Variants in GRIK1 observed in about 807,000 individuals in gnomAD.
GRIK1 encodes the protein glutamate receptor ionotropic, kainate 1.
Under a neutral mutation model 105.7 loss-of-function variants are expected in GRIK1, and 69 were observed. The ratio of observed to expected loss-of-function variants is 0.65; its 90% CI spans 0.54 to 0.80. GRIK1 has a LOEUF of 0.80. GRIK1 is among the 30% of genes least tolerant of loss of function. The pLI is 0.00. For synonymous variants in GRIK1, 438 were observed against 431.3 expected, an observed-to-expected ratio of 1.02 and a Z score of -0.19; for missense variants, 1,109 against 1,167.3, an observed-to-expected ratio of 0.95 and a Z score of 0.73.
At chr21:29,746,347 C>T (rs1372823062) in intron 1 of GRIK1, among the ~76,000 whole-genome samples, 1 of 152,174 alleles carries the variant, frequency 6.6e-6, no homozygotes, top group South Asian at 2.1e-4. Flanking sequence ...GCCCTTGAAA[C>T]ACAAAGCTGG....
At chr21:29,599,229 A>T (rs772626121) in intron 7 of GRIK1, among the ~76,000 whole-genome samples, 3 of 152,216 alleles carry the variant, frequency 2.0e-5, no homozygotes, top group Non-Finnish European at 4.4e-5. Flanking sequence ...CACGGAATAC[A>T]CAAAATCTGA....
chr21:29,537,443 A>G (rs1032624803), intron 17 of GRIK1, 58 bp from the exon 18 acceptor site: 3 of 1,375,322 alleles, frequency 2.2e-6, no homozygotes, highest in African/African-American at 2.9e-5. Flanking sequence ...TGTGCCGTTG[A>G]CCTGCCTCTT....
chr21:29,888,184 C>CTTTCTTCCTTT (rs1301166060), intron 1 of GRIK1, among the ~76,000 whole-genome samples: 1 of 64,802 alleles, frequency 1.5e-5, no homozygotes, highest in African/African-American at 9.8e-5. Context: ...TTTCTTTCTT[C>CTTTCTTCCTTT]CTTTCTTTCT....
intron 1 of GRIK1, among the ~76,000 whole-genome samples, chr21:29,891,448 G>T (rs1018364864): frequency 6.6e-6 from 1 of 152,198 alleles, no homozygotes; most frequent in African/African-American, 2.4e-5. Flanking sequence ...ATGATAGCCT[G>T]TGTGGCGTGC....
intron 14 of GRIK1, among the ~76,000 whole-genome samples, chr21:29,568,897 G>GCTGAATTAAA (rs528170712): frequency 2.0e-5 from 3 of 152,202 alleles, no homozygotes; most frequent in Non-Finnish European, 4.4e-5. Context: ...TATCAATTGA[G>GCTGAATTAAA]CTGAATTAAA....
At chr21:29,665,790 G>A (rs1365929510) in intron 4 of GRIK1, among the ~76,000 whole-genome samples, 3 of 152,172 alleles carry the variant, frequency 2.0e-5, no homozygotes, top group East Asian at 3.8e-4. Context: ...AGCAACATGG[G>A]TGATGTGAAC....
intron 3 of GRIK1, among the ~76,000 whole-genome samples, chr21:29,688,375 G>A (rs1009330856): frequency 6.6e-6 from 1 of 152,164 alleles, no homozygotes; most frequent in Admixed American, 6.5e-5. Flanking sequence ...AATAGTAACT[G>A]CTAGTGCTTG....
intron 1 of GRIK1, among the ~76,000 whole-genome samples, chr21:29,915,718 G>T (rs1411622710): frequency 6.6e-6 from 1 of 151,952 alleles, no homozygotes; most frequent in Non-Finnish European, 1.5e-5. Context: ...TTCCACAGAA[G>T]CTTATAAGCA....
At chr21:29,581,745 T>A (rs1377942057) in intron 12 of GRIK1, among the ~76,000 whole-genome samples, 2 of 152,172 alleles carry the variant, frequency 1.3e-5, no homozygotes. Context: ...TTTACCAGAC[T>A]TCTTATTTAT....
At chr21:29,759,647 A>G (rs1467995425) in intron 1 of GRIK1, among the ~76,000 whole-genome samples, 5 of 152,254 alleles carry the variant, frequency 3.3e-5, no homozygotes, top group African/African-American at 9.6e-5. Context: ...AACAGAAGTC[A>G]GAAACCAGAA....
chr21:29,588,596 C>G (rs1214615961), intron 11 of GRIK1, among the ~76,000 whole-genome samples: 2 of 152,144 alleles, frequency 1.3e-5, no homozygotes, highest in Non-Finnish European at 2.9e-5. Context: ...ATAAATTTCC[C>G]AGTCTCAGGA....
intron 1 of GRIK1, chr21:29,758,746 A>G (rs952883801): frequency 6.5e-6 from 1 of 152,684 alleles, no homozygotes; most frequent in African/African-American, 2.4e-5. Context: ...AAATTATGAA[A>G]GGATAATCTC....
In GRIK1 at chr21:29,591,875, C is replaced by T. The variant is rs1296827404; in HGVS notation, c.1252-650G>A. 2.0e-5 allele frequency among the ~76,000 whole-genome samples: 3 copies of T among 151,750 alleles called. No individual in the cohort carries two copies. The East Asian group carries it at 5.8e-4, about 29-fold the overall frequency. ...GCCAGCCTGGGCAACAGAGTGAGAC[C>T]CGATCTATACAAAAAATTAAAAAAA... On this transcript the variant is annotated intron_variant, in intron 9 of 17. Transcript: ENST00000327783.
intron 16 of GRIK1, among the ~76,000 whole-genome samples, chr21:29,539,740 G>A (rs2089938835): frequency 6.6e-6 from 1 of 152,048 alleles, no homozygotes; most frequent in African/African-American, 2.4e-5. Context: ...AGGAACGAAA[G>A]GAGGAAAGAA....
rs553524571 is a variant in GRIK1 at position 29,553,244 on chromosome 21, C to G, written c.2607+1808G>C. ...TTTGCCCTGTTGAAAGTCTGAATCT[C>G]CTTTTTCATGAAGGAAGAGTTACTT... is the stretch of plus-strand genomic sequence containing the variant. On this transcript the variant is annotated intron_variant, in intron 16 of 17. Coordinates refer to ENST00000327783, the MANE Select transcript of GRIK1 (RefSeq NM_001330994.2). The G allele has an allele frequency of 1.3e-3, 1,288 of 1,003,942 alleles. 1 individual carries two copies. Among genetic ancestry groups the G allele is most frequent in the Non-Finnish European group, 1.4e-3 (1,196 of 842,438 alleles). The allele number at this position is 1,003,942 out of a possible 1,614,324, so 62.2% of individuals were successfully genotyped here. A position where few individuals can be genotyped will look rare whatever the true frequency, so the allele number is the denominator to read the frequency against.
chr21:29,752,695 AGT>A (rs2065236648), intron 1 of GRIK1, among the ~76,000 whole-genome samples: 1 of 152,070 alleles, frequency 6.6e-6, no homozygotes, highest in Non-Finnish European at 1.5e-5. Flanking sequence ...AAAATTAGTG[AGT>A]GTGGTGGCAT....
chr21:29,541,176 C>T (rs972238353), intron 16 of GRIK1, among the ~76,000 whole-genome samples: 6 of 152,288 alleles, frequency 3.9e-5, no homozygotes, highest in East Asian at 1.9e-4. Context: ...CCACGTTGGC[C>T]GGGATGGTCT....
Position 29,864,593 on chromosome 21 carries a change from T to A in GRIK1, c.118+74790A>T, listed in dbSNP as rs188464061. Among the ~76,000 whole-genome samples, 56 of 152,366 alleles carry A rather than the reference T, an allele frequency of 3.7e-4. No homozygotes were observed. The East Asian group carries it at 5.6e-3, about 15-fold the overall frequency. ...AAAGAATGTGTTATTATTTGATGGA[T>A]GTTCTATCTAATCTCATCTCCCTGA... On this transcript the variant is annotated intron_variant, in intron 1 of 17. Coordinates refer to ENST00000327783, the MANE Select transcript of GRIK1 (RefSeq NM_001330994.2).
At chr21:29,891,036 C>T (rs2146219885) in intron 1 of GRIK1, among the ~76,000 whole-genome samples, 1 of 152,274 alleles carries the variant, frequency 6.6e-6, no homozygotes, top group South Asian at 2.1e-4. Context: ...TCTGATATAA[C>T]ATCTTTTTTT....
Sources: gnomAD v4.1 joint callset for allele counts (sites outside exome capture counted in the v4.1 genomes callset) on GRCh38, gnomAD v4.1.1 for gene constraint, MANE v1.5 for transcripts, NCBI Gene and HGNC (gene_info 2026-07-23, HGNC 2026-07-21) for gene names.